The following EDIL3 variants were observed in gnomAD, a reference collection of about 807,000 sequenced individuals.
EDIL3 encodes the protein EGF like and discoidin domains 3.
EDIL3 carries 37 observed loss-of-function variants against 67.4 expected under a neutral mutation model. The observed-to-expected ratio is 0.55, with a 90% CI of 0.42 to 0.72. The LOEUF (loss-of-function observed/expected upper bound fraction) is 0.72. Among genes scored for constraint, EDIL3 ranks in the 30% least tolerant of loss-of-function variants. The pLI is 0.00. For synonymous variants in EDIL3, 195 were observed against 196.3 expected (o/e 0.99, Z 0.05); for missense variants, 527 against 586.3 (o/e 0.90, Z 1.04).
intron 1 of EDIL3, among the ~76,000 whole-genome samples, chr5:84,327,246 C>A (rs897752056): frequency 6.6e-6 from 1 of 151,900 alleles, no homozygotes; most frequent in Non-Finnish European, 1.5e-5. Context: ...AACTTTGTAA[C>A]TATTGACTCA....
At chr5:84,090,142 A>C (rs1318512426) in intron 6 of EDIL3, among the ~76,000 whole-genome samples, 1 of 152,208 alleles carries the variant, frequency 6.6e-6, no homozygotes, top group Non-Finnish European at 1.5e-5. Flanking sequence ...GGAAACAATT[A>C]AGCATTATTA....
At chr5:83,977,541 A>G (rs1744895968) in intron 9 of EDIL3, among the ~76,000 whole-genome samples, 1 of 151,756 alleles carries the variant, frequency 6.6e-6, no homozygotes, top group Non-Finnish European at 1.5e-5. Flanking sequence ...TGAAAGCTAT[A>G]AAGTCTAATT....
intron 1 of EDIL3, among the ~76,000 whole-genome samples, chr5:84,378,625 A>G (rs146477911): frequency 6.4e-4 from 98 of 152,288 alleles, no homozygotes; most frequent in African/African-American, 2.2e-3. Flanking sequence ...TATGACATCT[A>G]TTTTTGTGGT....
intron 6 of EDIL3, among the ~76,000 whole-genome samples, chr5:84,070,013 A>C (rs990250100): frequency 5.3e-5 from 8 of 151,984 alleles, no homozygotes; most frequent in African/African-American, 1.7e-4. Flanking sequence ...GACCCATGGA[A>C]TGATGTGGAT....
chr5:84,312,598 C>T lies in EDIL3; in HGVS notation c.68-58386G>A, dbSNP rs537543333. The stretch of plus-strand genomic sequence containing the variant: ...CACCCTCCCGGACGGGGCGGCTGGC[C>T]GGGCGGGGGGCTGACCCCCCCACCT... On this transcript the variant is annotated intron_variant, in intron 1 of 10. Transcript: ENST00000296591. Among the ~76,000 whole-genome samples, 20 of 142,706 alleles carry T rather than the reference C, an allele frequency of 1.4e-4. 1 individual carries two copies. In the South Asian group the frequency reaches 3.5e-3, roughly 25 times the overall value. The allele number at this position is 142,706 out of a possible 152,430, so 93.6% of individuals were successfully genotyped here.
intron 1 of EDIL3, among the ~76,000 whole-genome samples, chr5:84,272,927 C>T (rs1346202837): frequency 6.6e-6 from 1 of 152,096 alleles, no homozygotes; most frequent in Non-Finnish European, 1.5e-5. Flanking sequence ...ATGGTTACCA[C>T]ATTGTGTCAA....
chr5:84,101,227 A>G (rs1261362101), intron 6 of EDIL3, among the ~76,000 whole-genome samples: 1 of 152,104 alleles, frequency 6.6e-6, no homozygotes, highest in Non-Finnish European at 1.5e-5. Flanking sequence ...AGAGCTGTGA[A>G]TTAGGCTAAT....
At chr5:84,214,149 ATT>A (rs1473721036) in intron 3 of EDIL3, among the ~76,000 whole-genome samples, 2 of 152,218 alleles carry the variant, frequency 1.3e-5, no homozygotes, top group African/African-American at 4.8e-5. Context: ...TGGCTAAATC[ATT>A]GCCACTGTTA....
intron 5 of EDIL3, 45 bp downstream of exon 5, chr5:84,137,193 ACAC>A (rs1748108201): frequency 7.7e-7 from 1 of 1,298,990 alleles, no homozygotes; most frequent in African/African-American, 1.6e-5. Flanking sequence ...ATACACACAC[ACAC>A]ACACACACAC....
At chr5:84,223,506 T>C (rs1432951322) in intron 3 of EDIL3, among the ~76,000 whole-genome samples, 1 of 151,584 alleles carries the variant, frequency 6.6e-6, no homozygotes, top group African/African-American at 2.4e-5. Flanking sequence ...TTATGCAAAG[T>C]TTAAAAAGCC....
rs533715182 is a variant in EDIL3, at chr5:84,146,749, C to G, written c.356-9395G>C. Among the ~76,000 whole-genome samples the G allele has an allele frequency of 2.4e-4, 37 of 152,166 alleles. No individual in the cohort carries two copies. The South Asian group carries it at 7.3e-3, about 30-fold the overall frequency. On this transcript the variant is annotated intron_variant, in intron 4 of 10. Coordinates refer to ENST00000296591, the MANE Select transcript of EDIL3 (RefSeq NM_005711.5). The stretch of plus-strand genomic sequence containing the variant: ...TATACATATCTTTTAACTTTACACT[C>G]AGATGAAAGGAGTTACATTTGTTAC...
At chr5:84,044,687 A>G (rs1307992547) in intron 9 of EDIL3, among the ~76,000 whole-genome samples, 2 of 152,140 alleles carry the variant, frequency 1.3e-5, no homozygotes, top group African/African-American at 4.8e-5. Flanking sequence ...TGGATTCACA[A>G]AAAGGACTAG....
At chr5:84,235,597 G>A (rs764215540) in intron 2 of EDIL3, among the ~76,000 whole-genome samples, 15 of 151,946 alleles carry the variant, frequency 9.9e-5, no homozygotes, top group African/African-American at 2.7e-4. Context: ...CATTACATCC[G>A]TAGTTTTCAA....
rs138201474 is a variant in EDIL3, at chr5:84,119,852, T to C, written c.470-13022A>G. On this transcript the variant is annotated intron_variant, in intron 5 of 10. Transcript: ENST00000296591. ...AAGTAACAAACCATTTCCCCCCAAATTGAATAATACCTGATTTCTGTATCT... is the reference window on the plus strand; with the variant it reads ...AAGTAACAAACCATTTCCCCCCAAACTGAATAATACCTGATTTCTGTATCT... Among the ~76,000 whole-genome samples the C allele has an allele frequency of 1.5e-3, 222 of 152,110 alleles. 1 individual carries two copies. The highest frequency in any genetic ancestry group is 4.9e-3 in the African/African-American group (203 of 41,546).
intron 6 of EDIL3, among the ~76,000 whole-genome samples, chr5:84,105,749 C>CAT (rs79613611): frequency 0.98 from 149,024 of 152,084 alleles, 73,024 homozygotes; most frequent in Middle Eastern, 1. Context: ...TGATTTTCTA[C>CAT]AATATTCCCC....
At chr5:84,124,853 T>A (rs549608751) in intron 5 of EDIL3, among the ~76,000 whole-genome samples, 7 of 152,104 alleles carry the variant, frequency 4.6e-5, no homozygotes, top group African/African-American at 1.7e-4. Context: ...TATAAATAGA[T>A]GACATTTTCC....
chr5:84,127,720 CTTTTAT>C (rs554496979), intron 5 of EDIL3, among the ~76,000 whole-genome samples: 2,044 of 152,088 alleles, frequency 0.013, 17 homozygotes, highest in Non-Finnish European at 0.02. Context: ...TTGGATTATC[CTTTTAT>C]TTTATTTTTT....
chr5:84,144,075 T>G (rs550208126), intron 4 of EDIL3, among the ~76,000 whole-genome samples: 5 of 152,098 alleles, frequency 3.3e-5, no homozygotes, highest in Non-Finnish European at 7.4e-5. Flanking sequence ...GCACAAGTCA[T>G]GCACTTAGAG....
intron 3 of EDIL3, among the ~76,000 whole-genome samples, chr5:84,216,153 T>C (rs1744220938): frequency 6.6e-6 from 1 of 152,188 alleles, no homozygotes; most frequent in Non-Finnish European, 1.5e-5. Context: ...AACATAGACC[T>C]TAATGATTTT....
Sources: allele counts gnomAD v4.1 joint callset (sites outside exome capture counted in the v4.1 genomes callset), GRCh38; gene constraint gnomAD v4.1.1; transcripts MANE v1.5; gene names NCBI Gene and HGNC (gene_info 2026-07-23, HGNC 2026-07-21).